The following FARP1 variants were observed in gnomAD, a reference collection of about 807,000 sequenced individuals.
The protein encoded by FARP1 is FERM, ARHGEF and pleckstrin domain-containing protein 1.
FARP1 carries 52 observed loss-of-function variants against 128.8 expected under a neutral mutation model. The ratio of observed to expected loss-of-function variants is 0.40; its 90% CI spans 0.32 to 0.51. The LOEUF is 0.51. FARP1 is among the 20% of genes least tolerant of loss of function. The probability of loss-of-function intolerance (pLI) is 0.45; values close to 1 mark genes in which losing one functional copy is unlikely to be tolerated. For missense variants in FARP1, 1,333 were observed against 1,367.9 expected (o/e 0.97, Z 0.40); for synonymous variants, 580 against 551.8 (o/e 1.05, Z -0.72).
In FARP1 at chr13:98,448,346, C is replaced by T. The variant is rs1683105300; in HGVS notation, c.*29C>T. ...CCGGACACACTCGTTTCCGCAGTGGCTGCTTTCCTGGAAGACGTTTCCTTT... is the reference window on the plus strand; with the variant it reads ...CCGGACACACTCGTTTCCGCAGTGGTTGCTTTCCTGGAAGACGTTTCCTTT... On this transcript the variant is annotated 3_prime_UTR_variant, in exon 27 of 27. Transcript: ENST00000319562. The T allele has an allele frequency of 1.3e-6, 2 of 1,519,868 alleles. No individual in the cohort carries two copies. Among genetic ancestry groups the T allele is most frequent in the African/African-American group, 2.7e-5 (2 of 73,102 alleles). 94.1% of individuals were successfully genotyped at this position (1,519,868 alleles called of 1,614,324 possible). A position where few individuals can be genotyped will look rare whatever the true frequency, so the allele number is the denominator to read the frequency against.
At chr13:98,387,016 A>G (rs370718568) in intron 8 of FARP1, among the ~76,000 whole-genome samples, 7 of 152,106 alleles carry the variant, frequency 4.6e-5, no homozygotes, top group African/African-American at 1.7e-4. Flanking sequence ...AAGAGAAACA[A>G]TAGGCCGGGC....
intron 2 of FARP1, among the ~76,000 whole-genome samples, chr13:98,254,438 G>A (rs752088540): frequency 6.6e-6 from 1 of 152,112 alleles, no homozygotes; most frequent in Non-Finnish European, 1.5e-5. Flanking sequence ...GATAACACAT[G>A]TAAAATGATC....
At chr13:98,419,813 T>G (rs1191558098) in intron 16 of FARP1, among the ~76,000 whole-genome samples, 2 of 152,008 alleles carry the variant, frequency 1.3e-5, no homozygotes, top group Non-Finnish European at 2.9e-5. Flanking sequence ...GGGACAAAAA[T>G]GAACCCTCAA....
Position 98,313,273 on chromosome 13 carries a change from A to ACACACACT in FARP1, c.172-30488_172-30487insACACACTC, listed in dbSNP as rs1165730347. ...CACACACACACACACACACACACAC[A>ACACACACT]CTCTGGAATCGGGTGGGTCATAATC... is the stretch of plus-strand genomic sequence containing the variant. On this transcript the variant is annotated intron_variant, in intron 2 of 26. Coordinates refer to ENST00000319562, the MANE Select transcript of FARP1 (RefSeq NM_005766.4). Among the ~76,000 whole-genome samples, 5 of 145,888 alleles carry ACACACACT rather than the reference A, an allele frequency of 3.4e-5. No homozygotes were observed. In the East Asian group the frequency reaches 6.0e-4, roughly 18 times the overall value.
Position 98,377,931 on chromosome 13 carries a change from G to C in FARP1, c.496+13G>C, listed in dbSNP as rs781479481. 1 of 1,571,404 alleles carries C rather than the reference G, an allele frequency of 6.4e-7. No homozygotes were observed. On this transcript the variant is annotated intron_variant, in intron 6 of 26. Transcript: ENST00000319562. The stretch of plus-strand genomic sequence containing the variant: ...CACATTGTGCAATGTAAGTTCTATT[G>C]GTTTCCTTTGAAAATCATGTTCAAA...
At chr13:98,204,912 C>G (rs556535728) in intron 1 of FARP1, among the ~76,000 whole-genome samples, 91 of 151,924 alleles carry the variant, frequency 6.0e-4, no homozygotes, top group Non-Finnish European at 1.1e-3. Flanking sequence ...CATGCCACTG[C>G]TCTCTAGCCC....
chr13:98,197,475 G>T (rs1314077216), intron 1 of FARP1, among the ~76,000 whole-genome samples: 1 of 151,924 alleles, frequency 6.6e-6, no homozygotes, highest in Non-Finnish European at 1.5e-5. Context: ...TCAAAAAAAA[G>T]AAGATGATGT....
chr13:98,415,651 T>C lies in FARP1; in HGVS notation c.1826+3617T>C, dbSNP rs186154642. Among the ~76,000 whole-genome samples, 23 of 152,350 alleles carry C rather than the reference T, an allele frequency of 1.5e-4. No homozygotes were observed. The East Asian group carries it at 4.4e-3, about 29-fold the overall frequency. ...GACACACATGTACCATCATTGCCTA[T>C]ACAGAACAGGCAACCCTTGGGCTAA... On this transcript the variant is annotated intron_variant, in intron 16 of 26. Coordinates refer to ENST00000319562, the MANE Select transcript of FARP1 (RefSeq NM_005766.4).
chr13:98,216,017 C>G (rs911377477), intron 2 of FARP1, among the ~76,000 whole-genome samples: 2 of 152,166 alleles, frequency 1.3e-5, no homozygotes, highest in African/African-American at 4.8e-5. Context: ...TCTTGATCTC[C>G]TGACCTCGTG....
chr13:98,277,434 G>A (rs1158972978), intron 2 of FARP1, among the ~76,000 whole-genome samples: 1 of 152,124 alleles, frequency 6.6e-6, no homozygotes, highest in Non-Finnish European at 1.5e-5. Flanking sequence ...CTCCCAAAGT[G>A]CTGGTTTTAT....
chr13:98,181,866 T>C (rs1301004645), intron 1 of FARP1, among the ~76,000 whole-genome samples: 3 of 152,120 alleles, frequency 2.0e-5, no homozygotes, highest in South Asian at 4.1e-4. Flanking sequence ...ACACATGGTA[T>C]TTAATACTTA....
chr13:98,391,451 T>G (rs1430505500), intron 11 of FARP1, among the ~76,000 whole-genome samples: 1 of 151,988 alleles, frequency 6.6e-6, no homozygotes, highest in East Asian at 1.9e-4. Flanking sequence ...GCTAAATTTT[T>G]GTAGAGATGG....
intron 1 of FARP1, among the ~76,000 whole-genome samples, chr13:98,144,764 G>C (rs1229857049): frequency 6.6e-6 from 1 of 152,198 alleles, no homozygotes; most frequent in African/African-American, 2.4e-5. Flanking sequence ...AAAGCTTTAG[G>C]GAGAGTTGCC....
At chr13:98,185,736 C>A (rs183763656) in intron 1 of FARP1, among the ~76,000 whole-genome samples, 3 of 151,214 alleles carry the variant, frequency 2.0e-5, no homozygotes, top group Admixed American at 1.3e-4. Flanking sequence ...CTCTCTCTGT[C>A]GCCCAGGCTG....
At chr13:98,262,635 T>A (rs145255082) in intron 2 of FARP1, among the ~76,000 whole-genome samples, 11 of 152,364 alleles carry the variant, frequency 7.2e-5, no homozygotes, top group African/African-American at 2.6e-4. Context: ...TTTATTGGAA[T>A]ACCGAATGGT....
intron 2 of FARP1, among the ~76,000 whole-genome samples, chr13:98,224,717 T>C (rs1385823868): frequency 6.6e-6 from 1 of 151,780 alleles, no homozygotes; most frequent in Non-Finnish European, 1.5e-5. Context: ...GGTGAGCAGT[T>C]TGTGGAGCTG....
At chr13:98,294,118 G>T (rs1450008547) in intron 2 of FARP1, among the ~76,000 whole-genome samples, 2 of 152,160 alleles carry the variant, frequency 1.3e-5, no homozygotes, top group African/African-American at 4.8e-5. Context: ...CTGAAAGGAG[G>T]AAAAAGAACA....
chr13:98,221,131 A>AC (rs1566759246), intron 2 of FARP1, among the ~76,000 whole-genome samples: 1 of 152,178 alleles, frequency 6.6e-6, no homozygotes, highest in Non-Finnish European at 1.5e-5. Flanking sequence ...GAGAATACCG[A>AC]CCACTTGAGG....
intron 2 of FARP1, among the ~76,000 whole-genome samples, chr13:98,289,212 G>T (rs1357450360): frequency 6.6e-6 from 1 of 151,984 alleles, no homozygotes; most frequent in Non-Finnish European, 1.5e-5. Context: ...ATGTGCTCAC[G>T]GACACATTAA....
Sources: allele counts gnomAD v4.1 joint callset (sites outside exome capture counted in the v4.1 genomes callset), GRCh38; gene constraint gnomAD v4.1.1; transcripts MANE v1.5; gene names NCBI Gene and HGNC (gene_info 2026-07-23, HGNC 2026-07-21).